CDH26: variants seen among roughly 807,000 people sequenced by gnomAD.
The protein encoded by CDH26 is cadherin 26.
A neutral mutation model predicts 90.3 loss-of-function variants in CDH26; 83 were observed. That is an observed-to-expected ratio of 0.92 (90% CI 0.77 to 1.10). The LOEUF is 1.10. Ranked by LOEUF, CDH26 falls within the 50% of genes least tolerant of loss-of-function variation. The pLI, the probability that CDH26 is intolerant of heterozygous loss-of-function variation, is 0.00. For missense variants in CDH26, 1,013 were observed against 1,037.6 expected (o/e 0.98, Z 0.33); for synonymous variants, 397 against 396.3 (o/e 1.00, Z -0.02).
chr20:60,029,369 G>A (rs538248245), intron 7 of CDH26, among the ~76,000 whole-genome samples: 1 of 152,056 alleles, frequency 6.6e-6, no homozygotes, highest in Non-Finnish European at 1.5e-5. Flanking sequence ...CAACAACGTA[G>A]CATCTATAGT....
At position 59,968,998 on chromosome 20, in the gene CDH26, CAG is replaced by C. The variant is rs1480500031; in HGVS notation, c.103_104del (p.Asp35Ter). The C allele has an allele frequency of 6.3e-7, 1 of 1,592,014 alleles. No individual in the cohort carries two copies. The highest frequency in any genetic ancestry group is 8.6e-7 in the Non-Finnish European group (1 of 1,161,066). On this transcript the variant is annotated frameshift_variant, in exon 2 of 18. Transcript: ENST00000348616. LOFTEE classifies it high-confidence loss of function. ...ATCATTGACAGTGTTCAACAGGAAA[CAG>C]ATGATCTTACTAAGCAAACAAAGGT... is the stretch of plus-strand genomic sequence containing the variant.
At chr20:59,988,691 A>G (rs894943029) in intron 8 of CDH26, among the ~76,000 whole-genome samples, 24 of 152,164 alleles carry the variant, frequency 1.6e-4, no homozygotes, top group African/African-American at 4.3e-4. Flanking sequence ...TTCAACCAGC[A>G]GAGGAGGAGG....
At position 60,012,643 on chromosome 20, in the gene CDH26, G is replaced by A; in HGVS notation, c.2412G>A (p.Gln804=). ...TCAGCTCTCTGGCCAGCTTGGAACA[G>A]GAGTTGCAACCTGATTTGCTGGACT... The part of the protein sequence containing the change: ...PSLSSLASLE[Q]ELQPDLLDSL... The change falls in exon 18 of 18, where the codon CAG becomes CAA. Residue 804 remains glutamine, a synonymous_variant. Coordinates refer to ENST00000348616, the MANE Select transcript of CDH26 (RefSeq NM_177980.4). 5 of 1,614,134 alleles carry A rather than the reference G, an allele frequency of 3.1e-6. No individual in the cohort carries two copies. The highest frequency in any genetic ancestry group is 4.2e-6 in the Non-Finnish European group (5 of 1,180,024).
chr20:60,007,733 T>G (rs78710682), intron 17 of CDH26, among the ~76,000 whole-genome samples: 2 of 128,768 alleles, frequency 1.6e-5, no homozygotes, highest in South Asian at 2.4e-4. Flanking sequence ...TTTCTGCTGG[T>G]TTTTTTTTTT....
Position 59,996,652 on chromosome 20 carries a change from G to C in CDH26, c.1910G>C (p.Arg637Pro). Residue 637 changes from arginine to proline, a missense_variant, in exon 13 of 18, where the codon CGA becomes CCA. Coordinates refer to ENST00000348616, the MANE Select transcript of CDH26 (RefSeq NM_177980.4). ...ALAVALLFLLRCYFVLEPKRH... is the reference protein window; with the variant it reads ...ALAVALLFLLPCYFVLEPKRH... ...ACAGTGGCTCTGCTTTTTCTGTTGC[G>C]ATGCTATTTTGTGCTTGAACCTAAG... 2 of 1,614,076 alleles carry C rather than the reference G, an allele frequency of 1.2e-6. No homozygotes were observed. Among genetic ancestry groups the C allele is most frequent in the Non-Finnish European group, 1.7e-6 (2 of 1,180,020 alleles).
At chr20:60,006,904 C>T (rs1601194442) in intron 17 of CDH26, 117 bp downstream of exon 17, 1 of 738,518 alleles carries the variant, frequency 1.4e-6, no homozygotes, top group East Asian at 2.6e-5. Flanking sequence ...GCTAAGGCTG[C>T]CATAATAAAA....
chr20:60,002,765 C>G (rs897084717), intron 15 of CDH26, 48 bp from the exon 16 acceptor site: 1 of 1,457,212 alleles, frequency 6.9e-7, no homozygotes. Flanking sequence ...GTATTTGCAT[C>G]CTTTGGTAAT....
chr20:59,997,529 C>T (rs1214817454), intron 13 of CDH26, among the ~76,000 whole-genome samples: 1 of 152,268 alleles, frequency 6.6e-6, no homozygotes, highest in East Asian at 1.9e-4. Flanking sequence ...GTTTTTCAAA[C>T]TGGCTGCTTC....
chr20:59,965,292 C>G (rs749294221), intron 1 of CDH26, among the ~76,000 whole-genome samples: 1 of 152,090 alleles, frequency 6.6e-6, no homozygotes, highest in Non-Finnish European at 1.5e-5. Flanking sequence ...CTGACGCGGA[C>G]GAGCCAACCA....
intron 7 of CDH26, among the ~76,000 whole-genome samples, chr20:60,027,055 T>G (rs2062003354): frequency 6.6e-6 from 1 of 152,166 alleles, no homozygotes; most frequent in Admixed American, 6.5e-5. Context: ...ACAGCGTGTA[T>G]GTGTGTGTGT....
intron 8 of CDH26, among the ~76,000 whole-genome samples, chr20:60,032,635 T>C (rs968270950): frequency 6.6e-6 from 1 of 152,094 alleles, no homozygotes; most frequent in African/African-American, 2.4e-5. Flanking sequence ...TAAGAAAATG[T>C]GGCACATATA....
intron 4 of CDH26, among the ~76,000 whole-genome samples, chr20:59,976,162 C>T (rs1163719864): frequency 2.0e-5 from 3 of 152,120 alleles, no homozygotes; most frequent in Non-Finnish European, 2.9e-5. Context: ...GAAGGTGTTC[C>T]TATGTGCTCA....
chr20:60,032,821 G>A (rs1384549677), intron 8 of CDH26, among the ~76,000 whole-genome samples: 2 of 140,962 alleles, frequency 1.4e-5, no homozygotes, highest in South Asian at 2.3e-4. Flanking sequence ...ACACAGGAAG[G>A]GGAATATCAC....
intron 1 of CDH26, among the ~76,000 whole-genome samples, chr20:59,959,940 T>C (rs2061046071): frequency 6.6e-6 from 1 of 152,234 alleles, no homozygotes; most frequent in Admixed American, 6.5e-5. Flanking sequence ...GGTTATGATC[T>C]GCTTCGTTGG....
intron 13 of CDH26, among the ~76,000 whole-genome samples, chr20:59,997,550 C>T (rs1412119709): frequency 6.6e-6 from 1 of 152,220 alleles, no homozygotes; most frequent in East Asian, 1.9e-4. Context: ...TGAAATGGGC[C>T]CTACATTATC....
At chr20:59,999,503 A>G in intron 13 of CDH26, 83 bp from the exon 14 acceptor site, 1 of 1,220,340 alleles carries the variant, frequency 8.2e-7, no homozygotes, top group Non-Finnish European at 1.2e-6. Context: ...GTTTTGGAGA[A>G]AATGTCATTC....
chr20:59,976,390 C>T (rs918526265), intron 4 of CDH26, among the ~76,000 whole-genome samples: 2 of 152,192 alleles, frequency 1.3e-5, no homozygotes, highest in African/African-American at 4.8e-5. Flanking sequence ...AAAGAATAAA[C>T]AGCACTCATG....
At chr20:59,963,760 G>T (rs1055570193) in intron 1 of CDH26, among the ~76,000 whole-genome samples, 10 of 151,736 alleles carry the variant, frequency 6.6e-5, no homozygotes, top group African/African-American at 2.2e-4. Context: ...CGGATTAAAA[G>T]AATCTCTAGA....
chr20:60,018,702 C>CTTTTGTTTTTTTTTTTTTTTTTTT (rs2061926953), downstream of CDH26, among the ~76,000 whole-genome samples: 1 of 17,814 alleles, frequency 5.6e-5, no homozygotes, highest in African/African-American at 2.3e-4. Context: ...CTCTTACTGC[C>CTTTTGTTTTTTTTTTTTTTTTTTT]TTTTTTTTTT....
Sources: gnomAD v4.1 joint callset for allele counts (sites outside exome capture counted in the v4.1 genomes callset) on GRCh38, gnomAD v4.1.1 for gene constraint, MANE v1.5 for transcripts, NCBI Gene and HGNC (gene_info 2026-07-23, HGNC 2026-07-21) for gene names.